PCDH19: variants seen among roughly 807,000 people sequenced by gnomAD.
PCDH19 encodes the protein protocadherin 19, also known as protocadherin-19.
In PCDH19, 6 loss-of-function variants were observed where a neutral mutation model predicts 46.2. The ratio of observed to expected loss-of-function variants is 0.13; its 90% CI spans 0.07 to 0.26. PCDH19 has a LOEUF of 0.26. Ranked by LOEUF, PCDH19 falls within the 10% of genes least tolerant of loss-of-function variation. The pLI, the probability that PCDH19 is intolerant of heterozygous loss-of-function variation, is 1.00. For missense variants in PCDH19, 740 were observed against 972.3 expected (o/e 0.76, Z 3.18); for synonymous variants, 481 against 415.7 (o/e 1.16, Z -1.91).
chrX:100,381,358 T>C (rs1160695443), intron 3 of PCDH19, among the ~76,000 whole-genome samples: 1 of 112,140 alleles, frequency 8.9e-6, no homozygotes, highest in Non-Finnish European at 1.9e-5. Context: ...TCTGTGATAA[T>C]GAAAGACAGT....
At position 100,332,774 on chromosome X, in the gene PCDH19, G is replaced by C. The variant is rs947538811; in HGVS notation, c.2848+9129C>G. ...TGCCTGTAATCTTAGCACTTTGGGA[G>C]GCCAAAGCAGGAGGACTGCTGCTTG... On this transcript the variant is annotated intron_variant, in intron 5 of 5. Coordinates refer to ENST00000373034, the MANE Select transcript of PCDH19 (RefSeq NM_001184880.2). Among the ~76,000 whole-genome samples the C allele has an allele frequency of 2.7e-5, 3 of 110,440 alleles. No homozygotes were observed. In the East Asian group the frequency reaches 8.6e-4, roughly 32 times the overall value.
At chrX:100,356,775 A>T (rs111829709) in intron 3 of PCDH19, among the ~76,000 whole-genome samples, 32,178 of 74,707 alleles carry the variant, frequency 0.43, 4,391 homozygotes, top group East Asian at 0.76. Flanking sequence ...TCTCTCTCTC[A>T]CACACACACA....
chrX:100,347,080 A>G (rs1602598066), intron 4 of PCDH19, among the ~76,000 whole-genome samples: 1 of 110,728 alleles, frequency 9.0e-6, no homozygotes, highest in Non-Finnish European at 1.9e-5. Flanking sequence ...TGGAAAAAAA[A>G]AAAACTACAG....
At chrX:100,308,014 A>G (rs968511326) in intron 5 of PCDH19, among the ~76,000 whole-genome samples, 1 of 110,936 alleles carries the variant, frequency 9.0e-6, no homozygotes, top group African/African-American at 3.3e-5. Flanking sequence ...AAACACCACC[A>G]TTATTCTTCA....
chrX:100,314,206 A>T (rs1388364491), intron 5 of PCDH19, among the ~76,000 whole-genome samples: 1 of 112,002 alleles, frequency 8.9e-6, no homozygotes, highest in Non-Finnish European at 1.9e-5. Flanking sequence ...GCTAATAAAA[A>T]GAAACATCTG....
chrX:100,317,337 C>A (rs1479589085), intron 5 of PCDH19, among the ~76,000 whole-genome samples: 1 of 112,138 alleles, frequency 8.9e-6, no homozygotes, highest in African/African-American at 3.2e-5. Flanking sequence ...TTGCTTCATT[C>A]TGAATTTAAT....
chrX:100,391,238 A>G (rs1927853188), intron 3 of PCDH19, among the ~76,000 whole-genome samples: 1 of 111,873 alleles, frequency 8.9e-6, no homozygotes, highest in Non-Finnish European at 1.9e-5. Flanking sequence ...ATTTATGTTT[A>G]AGTGAATTTG....
chrX:100,333,171 AAGG>A (rs60100285), intron 5 of PCDH19, among the ~76,000 whole-genome samples: 3,735 of 28,904 alleles, frequency 0.13, 296 homozygotes, highest in South Asian at 0.24. Context: ...GGAAGGAAGG[AAGG>A]GAGAGAGAGA....
At chrX:100,337,360 C>G (rs1030368357) in intron 5 of PCDH19, among the ~76,000 whole-genome samples, 41 of 112,175 alleles carry the variant, frequency 3.7e-4, no homozygotes, top group Non-Finnish European at 6.8e-4. Flanking sequence ...CCACTCAGAG[C>G]TATTAAGAGA....
chrX:100,333,119 A>T (rs765593146), intron 5 of PCDH19, among the ~76,000 whole-genome samples: 246 of 16,775 alleles, frequency 0.015, 3 homozygotes, highest in African/African-American at 0.038. Flanking sequence ...GGAGGGAAGG[A>T]AGGAAGGAAG....
chrX:100,317,596 T>TA (rs55887431), intron 5 of PCDH19, among the ~76,000 whole-genome samples: 4 of 95,337 alleles, frequency 4.2e-5, no homozygotes, highest in African/African-American at 7.7e-5. Flanking sequence ...TCACCATATT[T>TA]AAAAAAAAAA....
chrX:100,340,483 T>C lies in PCDH19; in HGVS notation c.2848+1420A>G, dbSNP rs142611981. On this transcript the variant is annotated intron_variant, in intron 5 of 5. Coordinates refer to ENST00000373034, the MANE Select transcript of PCDH19 (RefSeq NM_001184880.2). ...ACAACTAGTAAATGATATATATCAG[T>C]TTGCATCCTGTGACATACTGCTAAT... Among the ~76,000 whole-genome samples the C allele has an allele frequency of 6.6e-3, 737 of 112,356 alleles. 4 individuals carry two copies. Among genetic ancestry groups the C allele is most frequent in the Middle Eastern group, 0.023 (5 of 219 alleles).
chrX:100,377,640 T>C (rs968103842), intron 3 of PCDH19, among the ~76,000 whole-genome samples: 2 of 112,200 alleles, frequency 1.8e-5, no homozygotes. Context: ...GAGCTGTGTG[T>C]CACAGCATGT....
At position 100,406,532 on chromosome X, in the gene PCDH19, G is replaced by A; in HGVS notation, c.2066C>T (p.Ala689Val). 1 of 1,207,865 alleles carries A rather than the reference G, an allele frequency of 8.3e-7. No individual in the cohort carries two copies. Among genetic ancestry groups the A allele is most frequent in the South Asian group, 1.8e-5 (1 of 56,326 alleles). Residue 689 changes from alanine to valine, a missense_variant, in exon 1 of 6, where the codon GCG (alanine) becomes GTG (valine). Ala to Val is a moderately conservative substitution (Grantham distance 64). Coordinates refer to ENST00000373034, the MANE Select transcript of PCDH19 (RefSeq NM_001184880.2). ...GATCATAGTTACAAAGAGGATGCCC[G>A]CAATGGAGCCCAGGGCAATAATGAA... ...LIFIIALGSI[A>V]GILFVTMIFV...
Position 100,408,792 on chromosome X carries a change from C to G in PCDH19, c.-195G>C, listed in dbSNP as rs1288825729. The G allele has an allele frequency of 6.4e-6, 1 of 155,753 alleles. No homozygotes were observed. Among genetic ancestry groups the G allele is most frequent in the Non-Finnish European group, 1.2e-5 (1 of 83,935 alleles). The allele number at this position is 155,753 out of a possible 1,213,427, so 12.8% of individuals were successfully genotyped here. On this transcript the variant is annotated 5_prime_UTR_variant, in exon 1 of 6. Transcript: ENST00000373034. Reference sequence around the variant, plus strand: ...CGCGGCGGCTCCAATGCTGAGGTTGCGGCGGACGCGGCGGGGGCTCGCGGG... The same window carrying G: ...CGCGGCGGCTCCAATGCTGAGGTTGGGGCGGACGCGGCGGGGGCTCGCGGG...
chrX:100,376,235 C>CAAAAAAAAAAAAAAAAAAAAAAAAAAAA (rs1171817638), intron 3 of PCDH19, among the ~76,000 whole-genome samples: 1 of 32,936 alleles, frequency 3.0e-5, no homozygotes, highest in Non-Finnish European at 5.6e-5. Flanking sequence ...AACTCCGTCT[C>CAAAAAAAAAAAAAAAAAAAAAAAAAAAA]AAAAAAAAAA....
chrX:100,363,856 C>CGTGTGTGT (rs1555980282), intron 3 of PCDH19, among the ~76,000 whole-genome samples: 5 of 88,992 alleles, frequency 5.6e-5, no homozygotes, highest in African/African-American at 8.7e-5. Flanking sequence ...AATGTGCGTG[C>CGTGTGTGT]GTGTGTGTGT....
intron 5 of PCDH19, among the ~76,000 whole-genome samples, chrX:100,321,944 C>A (rs1925502628): frequency 9.2e-6 from 1 of 108,245 alleles, no homozygotes; most frequent in African/African-American, 3.4e-5. Context: ...CGCCCGCCAC[C>A]ACACCCGGCT....
chrX:100,386,883 TA>T (rs1331442727), intron 3 of PCDH19, among the ~76,000 whole-genome samples: 1 of 111,976 alleles, frequency 8.9e-6, no homozygotes, highest in East Asian at 2.8e-4. Flanking sequence ...GTTGCACATA[TA>T]AGAAATATAT....
Sources: allele counts gnomAD v4.1 joint callset (sites outside exome capture counted in the v4.1 genomes callset), GRCh38; gene constraint gnomAD v4.1.1; transcripts MANE v1.5; gene names NCBI Gene and HGNC (gene_info 2026-07-23, HGNC 2026-07-21).